Variants in AMPH observed in about 807,000 individuals in gnomAD.
AMPH encodes the protein amphiphysin (Stiff-Mann syndrome with breast cancer 128kD autoantigen).
Under a neutral mutation model 99.1 loss-of-function variants are expected in AMPH, and 49 were observed. That is an observed-to-expected ratio of 0.49 (90% CI 0.39 to 0.63). The LOEUF is 0.63. AMPH is among the 20% of genes least tolerant of loss of function. AMPH has a pLI of 0.00. For missense variants in AMPH, 759 were observed against 863.4 expected (o/e 0.88, Z 1.52); for synonymous variants, 314 against 317.3 (o/e 0.99, Z 0.11).
In AMPH at chr7:38,422,452, A is replaced by C. The variant is rs774660949; in HGVS notation, c.1241T>G (p.Met414Arg). ...TQPQDTSLFT[M>R]QTDQSMICNL... is the part of the protein sequence containing the mutation. ...GCAGATCATACTCTGGTCTGTCTGC[A>C]TTGTGAATAATGAAGTATCCTGGGG... The change falls in exon 16 of 21, where the codon ATG becomes AGG. Residue 414 changes from methionine (M) to arginine (R), a missense_variant. Met to Arg is a moderately conservative substitution (Grantham distance 91). Transcript: ENST00000356264. 1.2e-6 allele frequency: 2 copies of C among 1,613,782 alleles called. No homozygotes were observed. Among genetic ancestry groups the C allele is most frequent in the South Asian group, 1.1e-5 (1 of 91,050 alleles).
chr7:38,385,283 C>T (rs955980661), intron 20 of AMPH, among the ~76,000 whole-genome samples: 2 of 152,136 alleles, frequency 1.3e-5, no homozygotes, highest in African/African-American at 4.8e-5. Context: ...AGTGCAAAGA[C>T]AGGAATACCA....
chr7:38,405,113 A>C (rs1205668461), intron 17 of AMPH, among the ~76,000 whole-genome samples: 1 of 152,176 alleles, frequency 6.6e-6, no homozygotes, highest in Non-Finnish European at 1.5e-5. Context: ...TGTCAAGCTA[A>C]GCTTCATAAA....
At chr7:38,479,190 G>T (rs1205673911) in intron 5 of AMPH, among the ~76,000 whole-genome samples, 5 of 151,736 alleles carry the variant, frequency 3.3e-5, no homozygotes, top group African/African-American at 1.2e-4. Flanking sequence ...TTAACATCAA[G>T]AATAAAAGAA....
intron 1 of AMPH, among the ~76,000 whole-genome samples, chr7:38,552,335 A>T (rs920461765): frequency 6.6e-6 from 1 of 152,216 alleles, no homozygotes; most frequent in Non-Finnish European, 1.5e-5. Context: ...CTGATGCAGG[A>T]GGTCTGCACA....
intron 1 of AMPH, among the ~76,000 whole-genome samples, chr7:38,579,708 C>T (rs1025610807): frequency 2.6e-5 from 4 of 152,210 alleles, no homozygotes; most frequent in African/African-American, 9.7e-5. Flanking sequence ...AATTGTTGTA[C>T]TCCCAGAATA....
chr7:38,536,095 C>T (rs909515443), intron 1 of AMPH, among the ~76,000 whole-genome samples: 1 of 152,086 alleles, frequency 6.6e-6, no homozygotes, highest in African/African-American at 2.4e-5. Context: ...AACAAGGCCC[C>T]AACACTTGAT....
chr7:38,596,902 C>T (rs974546309), intron 1 of AMPH, among the ~76,000 whole-genome samples: 16 of 152,210 alleles, frequency 1.1e-4, no homozygotes, highest in Admixed American at 2.6e-4. Flanking sequence ...TCCAAATGAC[C>T]TCTCAAACAC....
In AMPH at chr7:38,451,289, ATG is replaced by A. The variant is rs201586017; in HGVS notation, c.1017+9992_1017+9993del. ...TGTGCATATACATGTATATATACAC[ATG>A]CACACATATATACGTGTGTATATAC... is the stretch of plus-strand genomic sequence containing the variant. On this transcript the variant is annotated intron_variant, in intron 11 of 20. Coordinates refer to ENST00000356264, the MANE Select transcript of AMPH (RefSeq NM_001635.4). Among the ~76,000 whole-genome samples, 41 of 139,010 alleles carry A rather than the reference ATG, an allele frequency of 2.9e-4. 1 individual carries two copies. In the East Asian group the frequency reaches 3.9e-3, roughly 13 times the overall value. 91.2% of individuals were successfully genotyped at this position (139,010 alleles called of 152,430 possible). A position where few individuals can be genotyped will look rare whatever the true frequency, so the allele number is the denominator to read the frequency against.
intron 17 of AMPH, among the ~76,000 whole-genome samples, chr7:38,407,165 T>C (rs1335999524): frequency 7.0e-6 from 1 of 142,922 alleles, no homozygotes; most frequent in Admixed American, 7.0e-5. Context: ...TCTATCTATA[T>C]CTATCTATCT....
At chr7:38,538,220 C>T (rs2129041665) in intron 1 of AMPH, among the ~76,000 whole-genome samples, 1 of 152,292 alleles carries the variant, frequency 6.6e-6, no homozygotes, top group Middle Eastern at 3.4e-3. Flanking sequence ...AGTCACATTT[C>T]AAATACATTC....
intron 1 of AMPH, among the ~76,000 whole-genome samples, chr7:38,575,818 C>T (rs184984793): frequency 6.6e-6 from 1 of 152,214 alleles, no homozygotes. Context: ...CTCTCGATCG[C>T]TGCCCAGGCT....
chr7:38,541,666 T>C (rs1169507048), intron 1 of AMPH, among the ~76,000 whole-genome samples: 1 of 152,150 alleles, frequency 6.6e-6, no homozygotes, highest in African/African-American at 2.4e-5. Context: ...TAAACAAGAA[T>C]AGATAAGAGA....
At chr7:38,527,484 A>G (rs1305635824) in intron 2 of AMPH, among the ~76,000 whole-genome samples, 1 of 152,190 alleles carries the variant, frequency 6.6e-6, no homozygotes, top group Non-Finnish European at 1.5e-5. Context: ...TTACACATAT[A>G]TATTTCTTTT....
chr7:38,422,613 T>C (rs1380766027), intron 15 of AMPH, 136 bp from the exon 16 acceptor site: 29 of 689,518 alleles, frequency 4.2e-5, no homozygotes, highest in Non-Finnish European at 7.0e-5. Context: ...CATCTATCTA[T>C]CGACACTCTA....
At chr7:38,575,051 TAAAAAA>T (rs3056279) in intron 1 of AMPH, among the ~76,000 whole-genome samples, 6 of 105,290 alleles carry the variant, frequency 5.7e-5, no homozygotes, top group African/African-American at 1.9e-4. Context: ...AGACTCTGTC[TAAAAAA>T]AAAAAAAAAA....
chr7:38,432,585 AATAC>A (rs1786075109), intron 12 of AMPH, among the ~76,000 whole-genome samples: 1 of 76,966 alleles, frequency 1.3e-5, no homozygotes, highest in Non-Finnish European at 2.6e-5. Context: ...AGGTTATTTT[AATAC>A]ACACACACAC....
intron 1 of AMPH, among the ~76,000 whole-genome samples, chr7:38,540,692 C>CAAAAAAAAAAAAAAAAAAAAAAAAA (rs373768495): frequency 5.1e-5 from 1 of 19,768 alleles, no homozygotes; most frequent in African/African-American, 1.8e-4. Context: ...TGACCCCAAG[C>CAAAAAAAAAAAAAAAAAAAAAAAAA]AAAAAAAAAA....
chr7:38,561,975 T>G (rs4723770), intron 1 of AMPH, among the ~76,000 whole-genome samples: 1 of 149,814 alleles, frequency 6.7e-6, no homozygotes, highest in South Asian at 2.1e-4. Context: ...ATGTTTTTTT[T>G]TTTTTGTTAT....
intron 11 of AMPH, among the ~76,000 whole-genome samples, chr7:38,447,178 C>T (rs1786820809): frequency 6.6e-6 from 1 of 152,068 alleles, no homozygotes; most frequent in Non-Finnish European, 1.5e-5. Context: ...TGCCACCATG[C>T]CCAGTCAATT....
Sources: allele counts gnomAD v4.1 joint callset (sites outside exome capture counted in the v4.1 genomes callset), GRCh38; gene constraint gnomAD v4.1.1; transcripts MANE v1.5; gene names NCBI Gene and HGNC (gene_info 2026-07-23, HGNC 2026-07-21).